Variants in ZFP14 observed in about 807,000 individuals in gnomAD.
The protein encoded by ZFP14 is ZFP14 zinc finger protein, also known as zinc finger protein 14 homolog.
ZFP14 carries 22 observed loss-of-function variants against 54.5 expected under a neutral mutation model. The observed-to-expected ratio is 0.40, with a 90% CI of 0.29 to 0.58. ZFP14 has a LOEUF of 0.58. ZFP14 is among the 20% of genes least tolerant of loss of function. The pLI is 0.39. For synonymous variants in ZFP14, 159 were observed against 204.0 expected (o/e 0.78, Z 1.88); for missense variants, 470 against 637.8 (o/e 0.74, Z 2.83).
chr19:36,347,106 G>A (rs114522124), intron 4 of ZFP14, among the ~76,000 whole-genome samples: 5,677 of 152,234 alleles, frequency 0.037, 350 homozygotes, highest in African/African-American at 0.13. Flanking sequence ...TGTGCTGAGA[G>A]CAATCAAATC....
intron 1 of ZFP14, among the ~76,000 whole-genome samples, chr19:36,373,801 T>C (rs2145564978): frequency 6.6e-6 from 1 of 150,500 alleles, no homozygotes; most frequent in Non-Finnish European, 1.5e-5. Flanking sequence ...TAGTCTCAGC[T>C]ACCAGGAGGT....
chr19:36,358,588 A>G (rs1254547400), intron 4 of ZFP14, among the ~76,000 whole-genome samples: 1 of 151,918 alleles, frequency 6.6e-6, no homozygotes, highest in Non-Finnish European at 1.5e-5. Context: ...TCTTTTGATA[A>G]TGGATTTTTA....
rs2145532181 is a variant in ZFP14 at position 36,334,601 on chromosome 19, T to C, written c.*5623A>G. 6.6e-6 allele frequency: 1 copy of C among 152,338 alleles called. No individual in the cohort carries two copies. Among genetic ancestry groups the C allele is most frequent in the Non-Finnish European group, 1.5e-5 (1 of 68,032 alleles). 9.4% of individuals were successfully genotyped at this position (152,338 alleles called of 1,614,324 possible). ...TCTATAGAAAAGCACTAACCATCCA[T>C]TAAAGCAGGTAGCTACTTTCAGAGC... On this transcript the variant is annotated 3_prime_UTR_variant, in exon 5 of 5. Transcript: ENST00000270001.
In ZFP14 at chr19:36,362,105, A is replaced by G; in HGVS notation, c.136+7T>C. 2 of 1,594,160 alleles carry G rather than the reference A, an allele frequency of 1.3e-6. No homozygotes were observed. The highest frequency in any genetic ancestry group is 8.5e-7 in the Non-Finnish European group (1 of 1,173,658). On this transcript the variant is annotated splice_region_variant and intron_variant, in intron 3 of 4. Coordinates refer to ENST00000270001, the MANE Select transcript of ZFP14 (RefSeq NM_020917.3). ...AAGCTAATATCATTTGGGATAAATA[A>G]CCTTACCTAGTGAAATGAAGTTGCT...
intron 3 of ZFP14, among the ~76,000 whole-genome samples, chr19:36,361,080 G>C (rs2031702179): frequency 6.6e-6 from 1 of 152,122 alleles, no homozygotes; most frequent in Admixed American, 6.5e-5. Flanking sequence ...GCTATTTACT[G>C]TTATCATTTT....
In ZFP14 at chr19:36,337,037, T is replaced by C. The variant is rs1181723913; in HGVS notation, c.*3187A>G. The C allele has an allele frequency of 8.8e-6, 1 of 113,564 alleles. No individual in the cohort carries two copies. Among genetic ancestry groups the C allele is most frequent in the Non-Finnish European group, 2.0e-5 (1 of 49,630 alleles). The allele number at this position is 113,564 out of a possible 1,614,324, so 7.0% of individuals were successfully genotyped here. A position where few individuals can be genotyped will look rare whatever the true frequency, so the allele number is the denominator to read the frequency against. On this transcript the variant is annotated 3_prime_UTR_variant, in exon 5 of 5. Coordinates refer to ENST00000270001, the MANE Select transcript of ZFP14 (RefSeq NM_020917.3). ...GTATCTCATATCATACGATCTTTTA[T>C]TTTTTATAATCACACTGACATAATC... is the stretch of plus-strand genomic sequence containing the variant.
Position 36,353,904 on chromosome 19 carries a change from G to A in ZFP14, c.235+6531C>T, listed in dbSNP as rs1159456104. Among the ~76,000 whole-genome samples, 9 of 134,960 alleles carry A rather than the reference G, an allele frequency of 6.7e-5. 3 individuals carry two copies. In the East Asian group the frequency reaches 1.3e-3, roughly 20 times the overall value. 88.5% of individuals were successfully genotyped at this position (134,960 alleles called of 152,430 possible). ...GCCTGGGCAACATAGCAAAACTCCCGTCTCTACAAAAAATACAAAAATTTT... is the reference window on the plus strand; with the variant it reads ...GCCTGGGCAACATAGCAAAACTCCCATCTCTACAAAAAATACAAAAATTTT... On this transcript the variant is annotated intron_variant, in intron 4 of 4. Coordinates refer to ENST00000270001, the MANE Select transcript of ZFP14 (RefSeq NM_020917.3).
rs1205408630 is a variant in ZFP14 at position 36,362,199 on chromosome 19, G to C, written c.49C>G (p.Gln17Glu). 6.2e-7 allele frequency: 1 copy of C among 1,612,884 alleles called. No homozygotes were observed. The highest frequency in any genetic ancestry group is 8.5e-7 in the Non-Finnish European group (1 of 1,179,480). Reference protein sequence around the residue: ...TFRDVAIDFSQEEWEFLDPAQ... With the variant: ...TFRDVAIDFSEEEWEFLDPAQ... ...GGATCCAGGAATTCCCATTCTTCCT[G>C]TGAGAAGTCTATGGCCACATCCCTG... The change falls in exon 3 of 5, where the codon CAG becomes GAG. Residue 17 changes from glutamine to glutamate, a missense_variant. By Grantham distance (29) the Gln-to-Glu change is conservative (BLOSUM62 2). Coordinates refer to ENST00000270001, the MANE Select transcript of ZFP14 (RefSeq NM_020917.3).
At chr19:36,345,217 T>A (rs1036361674) in intron 4 of ZFP14, among the ~76,000 whole-genome samples, 1 of 152,218 alleles carries the variant, frequency 6.6e-6, no homozygotes, top group Non-Finnish European at 1.5e-5. Flanking sequence ...GAGCCAAGAT[T>A]GTGCCATTGC....
chr19:36,363,854 G>A (rs2031750792), intron 2 of ZFP14, among the ~76,000 whole-genome samples: 1 of 152,016 alleles, frequency 6.6e-6, no homozygotes, highest in Admixed American at 6.6e-5. Flanking sequence ...GCTGGGTGTG[G>A]TGGTGGGAGC....
rs992074993 is a variant in ZFP14 at position 36,338,821 on chromosome 19, T to C, written c.*1403A>G. Reference sequence around the variant, plus strand: ...TATACTGACTTATAGAATGATGTTTTGTTTCTTTCCCACAGGAGTTTTATA... The same window carrying C: ...TATACTGACTTATAGAATGATGTTTCGTTTCTTTCCCACAGGAGTTTTATA... On this transcript the variant is annotated 3_prime_UTR_variant, in exon 5 of 5. Coordinates refer to ENST00000270001, the MANE Select transcript of ZFP14 (RefSeq NM_020917.3). The C allele has an allele frequency of 2.0e-5, 3 of 152,252 alleles. No individual in the cohort carries two copies. Among genetic ancestry groups the C allele is most frequent in the African/African-American group, 7.2e-5 (3 of 41,468 alleles). The allele number at this position is 152,252 out of a possible 1,614,324, so 9.4% of individuals were successfully genotyped here. A position where few individuals can be genotyped will look rare whatever the true frequency, so the allele number is the denominator to read the frequency against.
At chr19:36,344,826 C>T (rs1261497704) in intron 4 of ZFP14, among the ~76,000 whole-genome samples, 4 of 152,172 alleles carry the variant, frequency 2.6e-5, no homozygotes, top group Non-Finnish European at 5.9e-5. Context: ...CATTTTCTCC[C>T]GCCCCAGTCC....
chr19:36,351,293 G>T (rs1395074909), intron 4 of ZFP14, among the ~76,000 whole-genome samples: 1 of 143,050 alleles, frequency 7.0e-6, no homozygotes, highest in Non-Finnish European at 1.6e-5. Context: ...GGGATCAGGA[G>T]TTCAAGACCA....
intron 2 of ZFP14, among the ~76,000 whole-genome samples, chr19:36,365,001 T>C (rs1194695648): frequency 3.7e-5 from 4 of 108,096 alleles, no homozygotes; most frequent in South Asian, 3.4e-4. Flanking sequence ...TTTCTTTTTT[T>C]TTTTTTTTTT....
intron 4 of ZFP14, among the ~76,000 whole-genome samples, chr19:36,342,679 G>T (rs1191420657): frequency 6.6e-6 from 1 of 152,192 alleles, no homozygotes; most frequent in Non-Finnish European, 1.5e-5. Flanking sequence ...TCATTAAGGT[G>T]GGAGTAAGGT....
intron 2 of ZFP14, among the ~76,000 whole-genome samples, chr19:36,367,090 G>A (rs1169173048): frequency 1.3e-5 from 2 of 151,616 alleles, no homozygotes; most frequent in African/African-American, 4.8e-5. Flanking sequence ...GAAGGTGGAG[G>A]TTGCAGTGAG....
At chr19:36,350,049 A>C (rs1600071714) in intron 4 of ZFP14, among the ~76,000 whole-genome samples, 2 of 139,574 alleles carry the variant, frequency 1.4e-5, no homozygotes, top group South Asian at 4.6e-4. Context: ...TGAGCCCGGG[A>C]AGTGGAGTCT....
chr19:36,337,575 C>A lies in ZFP14; in HGVS notation c.*2649G>T, dbSNP rs1349408923. ...CAAATACATACTATGCCATTTTATACAAGGGACTTGAGCATCCTCAGATTT... is the reference window on the plus strand; with the variant it reads ...CAAATACATACTATGCCATTTTATAAAAGGGACTTGAGCATCCTCAGATTT... On this transcript the variant is annotated 3_prime_UTR_variant, in exon 5 of 5. Coordinates refer to ENST00000270001, the MANE Select transcript of ZFP14 (RefSeq NM_020917.3). 2.6e-5 allele frequency: 4 copies of A among 152,068 alleles called. No individual in the cohort carries two copies. Among genetic ancestry groups the A allele is most frequent in the Non-Finnish European group, 5.9e-5 (4 of 68,010 alleles). 9.4% of individuals were successfully genotyped at this position (152,068 alleles called of 1,614,324 possible).
intron 1 of ZFP14, among the ~76,000 whole-genome samples, chr19:36,372,777 G>A (rs1232537650): frequency 6.6e-6 from 1 of 152,152 alleles, no homozygotes; most frequent in Non-Finnish European, 1.5e-5. Context: ...TATTCACGAT[G>A]GCCAACACAT....
Sources: allele counts gnomAD v4.1 joint callset (sites outside exome capture counted in the v4.1 genomes callset), GRCh38; gene constraint gnomAD v4.1.1; transcripts MANE v1.5; gene names NCBI Gene and HGNC (gene_info 2026-07-23, HGNC 2026-07-21).